CSMD1: variants seen among roughly 807,000 people sequenced by gnomAD.
The protein encoded by CSMD1 is CUB and Sushi multiple domains 1.
In CSMD1, 213 loss-of-function variants were observed where a neutral mutation model predicts 417.5. That is an observed-to-expected ratio of 0.51 (90% CI 0.46 to 0.57). The LOEUF (loss-of-function observed/expected upper bound fraction) is 0.57, where lower values mean the gene tolerates loss of function less well. CSMD1 is among the 20% of genes least tolerant of loss of function. CSMD1 has a pLI of 0.00. For synonymous variants in CSMD1, 2,862 were observed against 1,736.8 expected, an observed-to-expected ratio of 1.65 and a Z score of -16.11; for missense variants, 6,923 against 4,529.7, an observed-to-expected ratio of 1.53 and a Z score of -15.17.
At chr8:3,690,799 G>T (rs926494385) in intron 7 of CSMD1, among the ~76,000 whole-genome samples, 3 of 152,154 alleles carry the variant, frequency 2.0e-5, no homozygotes, top group Admixed American at 6.5e-5. Flanking sequence ...AAAAGGAATA[G>T]TCATATTCTA....
At chr8:3,372,942 A>C in intron 18 of CSMD1, among the ~76,000 whole-genome samples, 2 of 152,306 alleles carry the variant, frequency 1.3e-5, no homozygotes, top group South Asian at 4.1e-4. Context: ...TCCCGAATTC[A>C]GAAGGTTTGG....
chr8:4,793,686 G>A (rs1284134306), intron 1 of CSMD1, among the ~76,000 whole-genome samples: 4 of 152,112 alleles, frequency 2.6e-5, no homozygotes, highest in Non-Finnish European at 5.9e-5. Context: ...AGAAGAAAGT[G>A]TACATGGAGA....
chr8:3,283,772 C>T (rs372589617), intron 26 of CSMD1, among the ~76,000 whole-genome samples: 5 of 152,202 alleles, frequency 3.3e-5, no homozygotes, highest in South Asian at 2.1e-4. Flanking sequence ...AGTTCCTCCC[C>T]GTTTATCACC....
At chr8:3,241,138 A>G (rs1192389209) in intron 26 of CSMD1, among the ~76,000 whole-genome samples, 4 of 151,774 alleles carry the variant, frequency 2.6e-5, no homozygotes, top group Admixed American at 2.0e-4. Flanking sequence ...ATGTAGCTGT[A>G]GTCCAGGAAT....
At chr8:4,357,688 A>C (rs1378015647) in intron 3 of CSMD1, among the ~76,000 whole-genome samples, 1 of 152,156 alleles carries the variant, frequency 6.6e-6, no homozygotes, top group Non-Finnish European at 1.5e-5. Context: ...GACTTCAAAA[A>C]CTTAACAAAT....
chr8:3,691,500 A>C (rs560495999), intron 7 of CSMD1, among the ~76,000 whole-genome samples: 4 of 152,334 alleles, frequency 2.6e-5, no homozygotes, highest in Non-Finnish European at 4.4e-5. Context: ...ACTGCAAGGC[A>C]TCTAGAAACT....
intron 50 of CSMD1, among the ~76,000 whole-genome samples, chr8:3,048,295 A>G (rs771716968): frequency 6.6e-6 from 1 of 152,192 alleles, no homozygotes; most frequent in African/African-American, 2.4e-5. Context: ...TATTAAATAC[A>G]TTTTGAAAAA....
At chr8:4,190,478 G>GT (rs1273358432) in intron 3 of CSMD1, among the ~76,000 whole-genome samples, 15 of 151,146 alleles carry the variant, frequency 9.9e-5, no homozygotes, top group Admixed American at 7.3e-4. Flanking sequence ...AGAGTATTTC[G>GT]TAAGTTAACC....
chr8:3,553,980 G>A (rs1030856741), intron 10 of CSMD1, among the ~76,000 whole-genome samples: 2 of 152,238 alleles, frequency 1.3e-5, no homozygotes, highest in Admixed American at 6.5e-5. Context: ...GGAATTATGG[G>A]TGAAATTTGC....
At chr8:3,789,981 T>C (rs952470710) in intron 5 of CSMD1, among the ~76,000 whole-genome samples, 2 of 152,130 alleles carry the variant, frequency 1.3e-5, no homozygotes, top group African/African-American at 4.8e-5. Context: ...TCCGCCCACC[T>C]CGGCCTCCCA....
chr8:4,975,371 C>G (rs1810489691), intron 1 of CSMD1, among the ~76,000 whole-genome samples: 1 of 152,292 alleles, frequency 6.6e-6, no homozygotes, highest in East Asian at 1.9e-4. Flanking sequence ...GCACACATAG[C>G]AAGTATTCCT....
At chr8:4,961,618 T>G (rs987677481) in intron 1 of CSMD1, among the ~76,000 whole-genome samples, 1 of 152,198 alleles carries the variant, frequency 6.6e-6, no homozygotes, top group Non-Finnish European at 1.5e-5. Flanking sequence ...GTTTTGTCGC[T>G]CAAACTTTTG....
intron 37 of CSMD1, among the ~76,000 whole-genome samples, chr8:3,167,601 G>C (rs1316152374): frequency 6.6e-6 from 1 of 152,180 alleles, no homozygotes; most frequent in Non-Finnish European, 1.5e-5. Flanking sequence ...CATTTACAAA[G>C]ATGCTTCTAT....
intron 5 of CSMD1, among the ~76,000 whole-genome samples, chr8:3,765,037 T>A (rs1798196726): frequency 1.3e-5 from 2 of 152,090 alleles, no homozygotes; most frequent in Admixed American, 1.3e-4. Flanking sequence ...GACCCACCAT[T>A]CCTGGCTGCA....
At chr8:4,877,944 C>T (rs987470156) in intron 1 of CSMD1, among the ~76,000 whole-genome samples, 2 of 152,152 alleles carry the variant, frequency 1.3e-5, no homozygotes, top group East Asian at 1.9e-4. Flanking sequence ...CCTACCCAAA[C>T]AGAGACACAC....
In CSMD1 at chr8:3,823,560, T is replaced by G. The variant is rs971355500; in HGVS notation, c.819-69518A>C. On this transcript the variant is annotated intron_variant, in intron 5 of 69. Coordinates refer to ENST00000635120, the MANE Select transcript of CSMD1 (RefSeq NM_033225.6). The stretch of plus-strand genomic sequence containing the variant: ...GTATAACTTAATAAAATAAAAAATT[T>G]ACAATTATAATGCAATGGATACATG... Among the ~76,000 whole-genome samples the G allele has an allele frequency of 2.8e-4, 43 of 152,192 alleles. 1 individual carries two copies.
chr8:3,647,470 A>C (rs1301889733), intron 7 of CSMD1, among the ~76,000 whole-genome samples: 1 of 152,254 alleles, frequency 6.6e-6, no homozygotes, highest in African/African-American at 2.4e-5. Flanking sequence ...AGAGAAAAAT[A>C]CAGCATAAAA....
chr8:4,158,213 G>C (rs552557255), intron 3 of CSMD1, among the ~76,000 whole-genome samples: 1 of 150,346 alleles, frequency 6.7e-6, no homozygotes, highest in Non-Finnish European at 1.5e-5. Context: ...TACTTATTTT[G>C]GCACCATTGA....
intron 3 of CSMD1, among the ~76,000 whole-genome samples, chr8:4,243,421 C>T (rs1237038917): frequency 6.6e-6 from 1 of 152,128 alleles, no homozygotes; most frequent in Non-Finnish European, 1.5e-5. Context: ...GACCACTTTG[C>T]TCCTTGTTCC....
Sources: allele counts gnomAD v4.1 joint callset (sites outside exome capture counted in the v4.1 genomes callset), GRCh38; gene constraint gnomAD v4.1.1; transcripts MANE v1.5; gene names NCBI Gene and HGNC (gene_info 2026-07-23, HGNC 2026-07-21).